Variants in GPC5 observed in about 807,000 individuals in gnomAD.
GPC5 encodes glypican 5.
A neutral mutation model predicts 53.9 loss-of-function variants in GPC5; 47 were observed. The observed-to-expected ratio is 0.87, with a 90% CI of 0.69 to 1.11. GPC5 has a LOEUF of 1.11. GPC5 is among the 50% of genes most tolerant of loss of function. The pLI is 0.00. For synonymous variants in GPC5, 286 were observed against 263.3 expected, an observed-to-expected ratio of 1.09 and a Z score of -0.84; for missense variants, 748 against 713.1, an observed-to-expected ratio of 1.05 and a Z score of -0.56.
chr13:92,851,284 A>T (rs965577770), intron 7 of GPC5, among the ~76,000 whole-genome samples: 3 of 152,112 alleles, frequency 2.0e-5, no homozygotes, highest in African/African-American at 7.2e-5. Context: ...TCCAAACCAT[A>T]TCACCTACCT....
At chr13:92,393,425 A>G (rs902937014) in intron 7 of GPC5, among the ~76,000 whole-genome samples, 5 of 152,188 alleles carry the variant, frequency 3.3e-5, no homozygotes, top group Non-Finnish European at 5.9e-5. Context: ...CAAGGTGGGC[A>G]GACCACCTGA....
intron 2 of GPC5, among the ~76,000 whole-genome samples, chr13:91,593,517 G>A (rs528127218): frequency 6.6e-6 from 1 of 152,190 alleles, no homozygotes; most frequent in East Asian, 1.9e-4. Flanking sequence ...TTTTCCCACT[G>A]TGTGTGCCTG....
At chr13:92,399,657 T>C (rs1191801512) in intron 7 of GPC5, among the ~76,000 whole-genome samples, 1 of 152,156 alleles carries the variant, frequency 6.6e-6, no homozygotes, top group Non-Finnish European at 1.5e-5. Flanking sequence ...TCATTAGGCA[T>C]ATTGCAATAT....
chr13:91,587,173 C>T (rs894442820), intron 2 of GPC5, among the ~76,000 whole-genome samples: 4 of 151,770 alleles, frequency 2.6e-5, no homozygotes, highest in Admixed American at 6.6e-5. Context: ...GCGTTAATAA[C>T]GAAGTTTTGG....
intron 6 of GPC5, among the ~76,000 whole-genome samples, chr13:92,044,868 C>T (rs1240356464): frequency 6.6e-6 from 1 of 151,968 alleles, no homozygotes; most frequent in Non-Finnish European, 1.5e-5. Flanking sequence ...AAAATTAAAA[C>T]CCTGGCTTTG....
intron 7 of GPC5, among the ~76,000 whole-genome samples, chr13:92,238,213 TGTTTAACCTTTTGAGAG>T (rs572716924): frequency 9.2e-5 from 14 of 152,114 alleles, no homozygotes; most frequent in East Asian, 3.9e-4. Flanking sequence ...GATAAGGTTA[TGTTTAACCTTTTGAGAG>T]GTTTAACCTT....
chr13:92,666,330 A>G (rs1034395409), intron 7 of GPC5, among the ~76,000 whole-genome samples: 1 of 152,196 alleles, frequency 6.6e-6, no homozygotes, highest in Non-Finnish European at 1.5e-5. Flanking sequence ...GTATATAAAC[A>G]TTTGCTGAAT....
chr13:91,853,164 G>T (rs150441160), intron 5 of GPC5, among the ~76,000 whole-genome samples: 22 of 152,146 alleles, frequency 1.4e-4, no homozygotes, highest in African/African-American at 5.3e-4. Context: ...TATAGAAATA[G>T]TAAGTTGATA....
At chr13:92,542,782 G>A (rs1370941261) in intron 7 of GPC5, among the ~76,000 whole-genome samples, 5 of 151,946 alleles carry the variant, frequency 3.3e-5, no homozygotes, top group Middle Eastern at 3.4e-3. Flanking sequence ...GTTATTTTTT[G>A]CTTTCAGTAC....
chr13:92,561,511 T>C (rs1311553909), intron 7 of GPC5, among the ~76,000 whole-genome samples: 1 of 152,050 alleles, frequency 6.6e-6, no homozygotes, highest in East Asian at 1.9e-4. Context: ...AATGGTTAAC[T>C]GTATGATGTA....
chr13:92,140,810 A>C (rs1177840926), intron 6 of GPC5, among the ~76,000 whole-genome samples: 1 of 152,202 alleles, frequency 6.6e-6, no homozygotes, highest in Non-Finnish European at 1.5e-5. Flanking sequence ...GGAGATGAGC[A>C]GTTTTATTTT....
intron 7 of GPC5, among the ~76,000 whole-genome samples, chr13:92,356,096 G>A (rs1016106735): frequency 2.6e-5 from 4 of 151,886 alleles, no homozygotes; most frequent in Admixed American, 1.3e-4. Context: ...TTCCCTGCTC[G>A]TTTCCAAAGT....
chr13:91,629,872 G>A (rs530950705), intron 2 of GPC5, among the ~76,000 whole-genome samples: 63 of 152,252 alleles, frequency 4.1e-4, no homozygotes, highest in Middle Eastern at 3.4e-3. Flanking sequence ...AAAATCCTGT[G>A]CAGTGAACCA....
chr13:92,742,919 C>T (rs1166429859), intron 7 of GPC5, among the ~76,000 whole-genome samples: 1 of 152,080 alleles, frequency 6.6e-6, no homozygotes, highest in Non-Finnish European at 1.5e-5. Flanking sequence ...TCTGAGGGCT[C>T]TGTTCTGTTC....
At chr13:91,435,227 G>A (rs1232879134) in intron 1 of GPC5, among the ~76,000 whole-genome samples, 1 of 152,028 alleles carries the variant, frequency 6.6e-6, no homozygotes, top group African/African-American at 2.4e-5. Context: ...ACACTATGTT[G>A]ATAGGCGTGG....
At chr13:91,581,158 A>G (rs923227326) in intron 2 of GPC5, among the ~76,000 whole-genome samples, 3 of 152,238 alleles carry the variant, frequency 2.0e-5, no homozygotes, top group African/African-American at 7.2e-5. Context: ...CTAGAATTCA[A>G]GATGAGATTT....
At chr13:92,208,540 T>A (rs1428879926) in intron 7 of GPC5, among the ~76,000 whole-genome samples, 1 of 152,160 alleles carries the variant, frequency 6.6e-6, no homozygotes, top group East Asian at 1.9e-4. Flanking sequence ...ATCTTGAATA[T>A]AAGGACATTA....
intron 7 of GPC5, among the ~76,000 whole-genome samples, chr13:92,436,736 A>G (rs2139380642): frequency 6.6e-6 from 1 of 152,336 alleles, no homozygotes; most frequent in South Asian, 2.1e-4. Flanking sequence ...AGGTTAATAC[A>G]GTGTCTGCTG....
At chr13:92,097,565 A>G (rs1241730640) in intron 6 of GPC5, among the ~76,000 whole-genome samples, 1 of 152,214 alleles carries the variant, frequency 6.6e-6, no homozygotes, top group Non-Finnish European at 1.5e-5. Flanking sequence ...ATCTCAGCGG[A>G]AACTAAAAAT....
Sources: allele counts gnomAD v4.1 joint callset (sites outside exome capture counted in the v4.1 genomes callset), GRCh38; gene constraint gnomAD v4.1.1; transcripts MANE v1.5; gene names NCBI Gene and HGNC (gene_info 2026-07-23, HGNC 2026-07-21).